Variants in FHIT observed in about 807,000 individuals in gnomAD.
FHIT encodes fragile histidine triad diadenosine triphosphatase.
Under a neutral mutation model 17.9 loss-of-function variants are expected in FHIT, and 19 were observed. The ratio of observed to expected loss-of-function variants is 1.06; its 90% CI spans 0.74 to 1.56. The LOEUF is 1.56. FHIT is among the 40% of genes most tolerant of loss of function. The pLI, the probability that FHIT is intolerant of heterozygous loss-of-function variation, is 0.00. For missense variants in FHIT, 248 were observed against 189.2 expected, an observed-to-expected ratio of 1.31 and a Z score of -1.82; for synonymous variants, 81 against 69.7, an observed-to-expected ratio of 1.16 and a Z score of -0.81.
chr3:60,767,396 C>G (rs1222763442), intron 4 of FHIT, among the ~76,000 whole-genome samples: 3 of 152,084 alleles, frequency 2.0e-5, no homozygotes, highest in Non-Finnish European at 2.9e-5. Context: ...TTCTTACATC[C>G]CTTCTATGAA....
chr3:59,984,884 T>C (rs1397636015), intron 7 of FHIT, among the ~76,000 whole-genome samples: 1 of 152,054 alleles, frequency 6.6e-6, no homozygotes, highest in Non-Finnish European at 1.5e-5. Context: ...ACTTCAAATG[T>C]GGTCCCTAAT....
chr3:60,055,166 G>A (rs1479839417), intron 5 of FHIT, among the ~76,000 whole-genome samples: 1 of 152,120 alleles, frequency 6.6e-6, no homozygotes, highest in African/African-American at 2.4e-5. Flanking sequence ...ACCCTTGACT[G>A]CTCAGTGCCT....
chr3:59,955,882 T>C (rs1271350981), intron 7 of FHIT, among the ~76,000 whole-genome samples: 1 of 152,192 alleles, frequency 6.6e-6, no homozygotes, highest in Non-Finnish European at 1.5e-5. Context: ...CACTCCTGTA[T>C]CTCCACAGTC....
intron 2 of FHIT, among the ~76,000 whole-genome samples, chr3:61,058,054 GA>G (rs796797449): frequency 7.5e-5 from 11 of 146,750 alleles, no homozygotes; most frequent in African/African-American, 1.0e-4. Flanking sequence ...TAATATCACA[GA>G]AAAAAAAAAG....
chr3:60,534,535 C>T (rs1310272931), intron 5 of FHIT, among the ~76,000 whole-genome samples: 1 of 148,810 alleles, frequency 6.7e-6, no homozygotes, highest in Non-Finnish European at 1.5e-5. Context: ...AAAATCATCA[C>T]ATAAAAAGCA....
At chr3:61,073,615 G>A (rs1235337583) in intron 2 of FHIT, among the ~76,000 whole-genome samples, 2 of 152,188 alleles carry the variant, frequency 1.3e-5, no homozygotes, top group Non-Finnish European at 2.9e-5. Context: ...TACCAGCACT[G>A]CAAAGAATTC....
At chr3:59,965,272 T>C (rs1207933496) in intron 7 of FHIT, among the ~76,000 whole-genome samples, 2 of 152,144 alleles carry the variant, frequency 1.3e-5, no homozygotes, top group African/African-American at 2.4e-5. Flanking sequence ...ATAGAAAATA[T>C]AGTGTATGGG....
chr3:59,989,050 C>T (rs1353099474), intron 7 of FHIT, among the ~76,000 whole-genome samples: 1 of 151,990 alleles, frequency 6.6e-6, no homozygotes, highest in Admixed American at 6.6e-5. Context: ...GGAGGTCTGG[C>T]CATTAGACTC....
chr3:59,790,506 TTC>T lies in FHIT; in HGVS notation c.349-38187_349-38186del, dbSNP rs574974245. Among the ~76,000 whole-genome samples, 188 of 150,442 alleles carry T rather than the reference TTC, an allele frequency of 1.2e-3. 4 individuals are homozygous for T. In the South Asian group the frequency reaches 0.024, roughly 20 times the overall value. Reference sequence around the variant, plus strand: ...GTTCATTGCTTCTCTCTCTCTCTCTTTCTCTCTCTCTCTCTCTCTCTCTGTGT... The same window carrying T: ...GTTCATTGCTTCTCTCTCTCTCTCTTTCTCTCTCTCTCTCTCTCTCTGTGT... On this transcript the variant is annotated intron_variant, in intron 8 of 9. Transcript: ENST00000492590.
chr3:60,671,480 A>G (rs1716709), intron 4 of FHIT, among the ~76,000 whole-genome samples: 129,756 of 152,070 alleles, frequency 0.85, 55,571 homozygotes, highest in Non-Finnish European at 0.9. Flanking sequence ...AATAAACACA[A>G]TAGAATGTTA....
At chr3:60,917,346 C>T (rs1014687181) in intron 3 of FHIT, among the ~76,000 whole-genome samples, 1 of 152,236 alleles carries the variant, frequency 6.6e-6, no homozygotes, top group Non-Finnish European at 1.5e-5. Flanking sequence ...CAGCCAGAGC[C>T]TTCTGACTGG....
chr3:60,834,175 T>G (rs983167180), intron 3 of FHIT, among the ~76,000 whole-genome samples: 11 of 152,228 alleles, frequency 7.2e-5, no homozygotes, highest in African/African-American at 2.7e-4. Flanking sequence ...ATGTTTAATT[T>G]TGTAAGAAAC....
At chr3:60,622,227 C>G (rs999487886) in intron 4 of FHIT, among the ~76,000 whole-genome samples, 2 of 152,154 alleles carry the variant, frequency 1.3e-5, no homozygotes, top group Admixed American at 1.3e-4. Flanking sequence ...TCATCAGTCC[C>G]AAATTGGCCG....
chr3:60,353,520 C>A (rs929752342), intron 5 of FHIT, among the ~76,000 whole-genome samples: 2 of 152,060 alleles, frequency 1.3e-5, no homozygotes, highest in Non-Finnish European at 2.9e-5. Flanking sequence ...GAGTCTAAAC[C>A]TGAATTACTC....
chr3:59,867,612 A>G (rs1464379995), intron 8 of FHIT, among the ~76,000 whole-genome samples: 1 of 151,844 alleles, frequency 6.6e-6, no homozygotes, highest in Non-Finnish European at 1.5e-5. Context: ...TGCTTGTGTG[A>G]TTGCCTTAAT....
At chr3:60,124,487 G>C (rs1705450037) in intron 5 of FHIT, among the ~76,000 whole-genome samples, 2 of 152,118 alleles carry the variant, frequency 1.3e-5, no homozygotes, top group Admixed American at 1.3e-4. Context: ...TCTGAAATAA[G>C]TGACTTCAAG....
chr3:61,185,319 T>C (rs921618103), intron 2 of FHIT, among the ~76,000 whole-genome samples: 1 of 152,160 alleles, frequency 6.6e-6, no homozygotes, highest in African/African-American at 2.4e-5. Flanking sequence ...CACTGATTAT[T>C]TTCCTTACAG....
chr3:60,128,530 T>C (rs115836661), intron 5 of FHIT, among the ~76,000 whole-genome samples: 2,070 of 152,264 alleles, frequency 0.014, 39 homozygotes, highest in African/African-American at 0.048. Flanking sequence ...AGCATGAAAA[T>C]GGACTAATAC....
chr3:60,963,050 A>C (rs9818475), intron 3 of FHIT, among the ~76,000 whole-genome samples: 11 of 152,036 alleles, frequency 7.2e-5, no homozygotes, highest in Non-Finnish European at 1.5e-4. Flanking sequence ...CTGTGAATCC[A>C]TCTGGTCCTG....
Sources: gnomAD v4.1 joint callset for allele counts (sites outside exome capture counted in the v4.1 genomes callset) on GRCh38, gnomAD v4.1.1 for gene constraint, MANE v1.5 for transcripts, NCBI Gene and HGNC (gene_info 2026-07-23, HGNC 2026-07-21) for gene names.